The following LRRC8C variants were observed in gnomAD, a reference collection of about 807,000 sequenced individuals.
LRRC8C encodes the protein leucine rich repeat containing 8 VRAC subunit C, also known as volume-regulated anion channel subunit LRRC8C.
A neutral mutation model predicts 55.3 loss-of-function variants in LRRC8C; 20 were observed. The ratio of observed to expected loss-of-function variants is 0.36; its 90% CI spans 0.25 to 0.53. The LOEUF is 0.53. LRRC8C is among the 20% of genes least tolerant of loss of function. LRRC8C has a pLI of 0.92. For missense variants in LRRC8C, 659 were observed against 951.4 expected, an observed-to-expected ratio of 0.69 and a Z score of 4.04; for synonymous variants, 376 against 360.7, an observed-to-expected ratio of 1.04 and a Z score of -0.48.
In LRRC8C at chr1:89,715,208, CAGAA is replaced by C. The variant is rs1252165411; in HGVS notation, c.*230_*233del. 6 of 322,650 alleles carry C rather than the reference CAGAA, an allele frequency of 1.9e-5. No individual in the cohort carries two copies. Among genetic ancestry groups the C allele is most frequent in the African/African-American group, 2.1e-5 (1 of 46,990 alleles). The allele number at this position is 322,650 out of a possible 1,614,324, so 20.0% of individuals were successfully genotyped here. ...ACACAATGTATCTATTATCTACTGA[CAGAA>C]AGAGATAGTTCCATTTGGTTTTTTG... On this transcript the variant is annotated 3_prime_UTR_variant, in exon 3 of 3. Coordinates refer to ENST00000370454, the MANE Select transcript of LRRC8C (RefSeq NM_032270.5).
chr1:89,719,393 G>C lies in LRRC8C; in HGVS notation c.*4411G>C, dbSNP rs914729538. 8 of 152,062 alleles carry C rather than the reference G, an allele frequency of 5.3e-5. No homozygotes were observed. Among genetic ancestry groups the C allele is most frequent in the African/African-American group, 1.9e-4 (8 of 41,390 alleles). 9.4% of individuals were successfully genotyped at this position (152,062 alleles called of 1,614,324 possible). A position where few individuals can be genotyped will look rare whatever the true frequency, so the allele number is the denominator to read the frequency against. ...TACTCTGTCTGTATGTATGTCAAAA[G>C]CTGGCAAAACCTCTAAAACTGTCAA... On this transcript the variant is annotated 3_prime_UTR_variant, in exon 3 of 3. Coordinates refer to ENST00000370454, the MANE Select transcript of LRRC8C (RefSeq NM_032270.5).
intron 1 of LRRC8C, among the ~76,000 whole-genome samples, chr1:89,674,324 A>G (rs183647516): frequency 3.2e-4 from 48 of 152,286 alleles, no homozygotes; most frequent in African/African-American, 1.1e-3. Flanking sequence ...GCCCTTTCTC[A>G]GCTTCTAGAA....
intron 1 of LRRC8C, among the ~76,000 whole-genome samples, chr1:89,667,947 G>A (rs954452304): frequency 1.2e-4 from 18 of 152,082 alleles, no homozygotes; most frequent in African/African-American, 3.6e-4. Flanking sequence ...AAAACAGTGA[G>A]CATTTGAACC....
the LRRC8C span, among the ~76,000 whole-genome samples, chr1:89,621,296 TAAAAAA>T: frequency 8.1e-5 from 10 of 123,836 alleles, no homozygotes; most frequent in Admixed American, 2.5e-4. Context: ...CCGTCTCTAC[TAAAAAA>T]AAAAAAAAAA....
At chr1:89,676,604 T>A (rs1416105885) in intron 1 of LRRC8C, among the ~76,000 whole-genome samples, 3 of 152,220 alleles carry the variant, frequency 2.0e-5, no homozygotes, top group Non-Finnish European at 4.4e-5. Flanking sequence ...GTGATAAGCA[T>A]GGATAAGTCG....
intron 1 of LRRC8C, among the ~76,000 whole-genome samples, chr1:89,653,021 C>A (rs910794418): frequency 6.6e-6 from 1 of 152,038 alleles, no homozygotes; most frequent in East Asian, 1.9e-4. Context: ...GGAGAGTGGT[C>A]GTTAAGAGAG....
At chr1:89,632,783 C>T (rs918946663), upstream of LRRC8C, 2 of 152,300 alleles carry the variant, frequency 1.3e-5, no homozygotes, top group African/African-American at 2.4e-5. Context: ...CAGAGTCCGC[C>T]AGGTGGGCGT....
chr1:89,636,822 A>G (rs1021508674), intron 1 of LRRC8C, among the ~76,000 whole-genome samples: 9 of 152,196 alleles, frequency 5.9e-5, no homozygotes, highest in Non-Finnish European at 1.0e-4. Flanking sequence ...TCCTAATGCT[A>G]TTTTAAAATT....
the LRRC8C span, chr1:89,625,111 T>C: frequency 2.0e-5 from 3 of 152,210 alleles, no homozygotes; most frequent in South Asian, 2.1e-4. Context: ...GCCCTGCCTG[T>C]AGACAGAATT....
chr1:89,647,617 G>A (rs765459144), intron 1 of LRRC8C, among the ~76,000 whole-genome samples: 5 of 151,994 alleles, frequency 3.3e-5, no homozygotes, highest in Admixed American at 2.0e-4. Context: ...TACAATATAC[G>A]GTAAGTAAAT....
intron 1 of LRRC8C, among the ~76,000 whole-genome samples, chr1:89,677,422 C>T (rs1451525653): frequency 1.3e-5 from 2 of 151,974 alleles, no homozygotes; most frequent in East Asian, 3.9e-4. Context: ...TGTTAATGTT[C>T]GTTTATTTTT....
chr1:89,689,247 T>A (rs952139696), intron 2 of LRRC8C, among the ~76,000 whole-genome samples: 1 of 152,134 alleles, frequency 6.6e-6, no homozygotes, highest in Non-Finnish European at 1.5e-5. Context: ...ATTACCTCTG[T>A]AATGTTGAAG....
intron 2 of LRRC8C, among the ~76,000 whole-genome samples, chr1:89,704,906 A>T (rs1400224536): frequency 2.0e-5 from 3 of 152,072 alleles, no homozygotes; most frequent in African/African-American, 7.3e-5. Flanking sequence ...CATTTGACCC[A>T]ACCATCCCAT....
intron 2 of LRRC8C, among the ~76,000 whole-genome samples, chr1:89,711,554 T>C (rs1658649625): frequency 6.6e-6 from 1 of 152,256 alleles, no homozygotes; most frequent in South Asian, 2.1e-4. Flanking sequence ...AAATGTCAAC[T>C]TTTTGTTCAT....
chr1:89,639,257 T>A (rs1207857408), intron 1 of LRRC8C, among the ~76,000 whole-genome samples: 1 of 152,102 alleles, frequency 6.6e-6, no homozygotes, highest in African/African-American at 2.4e-5. Flanking sequence ...AGTACTGGGA[T>A]TACAGGCGTG....
chr1:89,631,069 A>C (rs534343144), upstream of LRRC8C, among the ~76,000 whole-genome samples: 7 of 152,306 alleles, frequency 4.6e-5, no homozygotes, highest in African/African-American at 1.7e-4. Flanking sequence ...CAGGTTTCCA[A>C]ACCTTTTTGC....
Position 89,715,012 on chromosome 1 carries a change from A to G in LRRC8C, c.*30A>G. ...TTTTTCGTTAAAGTTTGACTGAAAC[A>G]CGCTTCTACCAAATACAGTATAAAT... On this transcript the variant is annotated 3_prime_UTR_variant, in exon 3 of 3. Transcript: ENST00000370454. The G allele has an allele frequency of 6.7e-7, 1 of 1,482,778 alleles. No individual in the cohort carries two copies. The highest frequency in any genetic ancestry group is 2.3e-5 in the East Asian group (1 of 43,962). The allele number at this position is 1,482,778 out of a possible 1,614,324, so 91.9% of individuals were successfully genotyped here.
At chr1:89,632,156 GA>G (rs1267860120), upstream of LRRC8C, 1 of 152,232 alleles carries the variant, frequency 6.6e-6, no homozygotes, top group Non-Finnish European at 1.5e-5. Flanking sequence ...ACTGGGCAGA[GA>G]TTTTCCAAAC....
rs71084956 is a variant in LRRC8C at position 89,659,061 on chromosome 1, TTGTG to T, written c.-5+25783_-5+25786del. On this transcript the variant is annotated intron_variant, in intron 1 of 2. Coordinates refer to ENST00000370454, the MANE Select transcript of LRRC8C (RefSeq NM_032270.5). ...TGTCTTCTCCAGGTTTTTTTTTTTT[TTGTG>T]TGTGTGTGTGTGTGTGTGTGTGTGT... Among the ~76,000 whole-genome samples the T allele has an allele frequency of 5.1e-3, 273 of 53,480 alleles. 15 individuals are homozygous for T. Among genetic ancestry groups the T allele is most frequent in the African/African-American group, 6.3e-3 (99 of 15,836 alleles). The allele number at this position is 53,480 out of a possible 152,430, so 35.1% of individuals were successfully genotyped here.
Sources: gnomAD v4.1 joint callset for allele counts (sites outside exome capture counted in the v4.1 genomes callset) on GRCh38, gnomAD v4.1.1 for gene constraint, MANE v1.5 for transcripts, NCBI Gene and HGNC (gene_info 2026-07-23, HGNC 2026-07-21) for gene names.